Variants in PIWIL2 observed in about 807,000 individuals in gnomAD.
The protein encoded by PIWIL2 is piwi like RNA-mediated gene silencing 2, also known as piwi-like protein 2.
A neutral mutation model predicts 116.5 loss-of-function variants in PIWIL2; 81 were observed. The ratio of observed to expected loss-of-function variants is 0.70; its 90% CI spans 0.58 to 0.84. PIWIL2 has a LOEUF of 0.84. PIWIL2 is among the 40% of genes least tolerant of loss of function. PIWIL2 has a pLI of 0.00. For missense variants in PIWIL2, 1,272 were observed against 1,212.3 expected (o/e 1.05, Z -0.73); for synonymous variants, 489 against 429.5 (o/e 1.14, Z -1.71).
At chr8:22,284,123 T>G in intron 5 of PIWIL2, 39 bp from the exon 6 acceptor site, 1 of 1,122,686 alleles carries the variant, frequency 8.9e-7, no homozygotes, top group African/African-American at 1.6e-5. Context: ...GTTTTTTTGT[T>G]TTTGATATAT....
intron 3 of PIWIL2, 39 bp downstream of exon 3, chr8:22,281,246 A>T (rs1014851999): frequency 3.2e-6 from 5 of 1,550,068 alleles, no homozygotes; most frequent in Non-Finnish European, 4.4e-6. Flanking sequence ...GGTGGTATGT[A>T]TGATTGGTTT....
intron 20 of PIWIL2, among the ~76,000 whole-genome samples, chr8:22,331,262 A>G (rs1831855994): frequency 6.6e-6 from 1 of 152,072 alleles, no homozygotes; most frequent in Admixed American, 6.6e-5. Context: ...ACTTTTAGCC[A>G]AGGTAGGAGG....
intron 20 of PIWIL2, among the ~76,000 whole-genome samples, chr8:22,334,097 C>T (rs546835970): frequency 3.7e-4 from 56 of 151,580 alleles, no homozygotes; most frequent in Non-Finnish European, 7.7e-4. Context: ...CCTCAGCCTC[C>T]TGAGTAGCTT....
At chr8:22,296,952 C>T (rs533295940) in intron 10 of PIWIL2, among the ~76,000 whole-genome samples, 4 of 151,766 alleles carry the variant, frequency 2.6e-5, no homozygotes, top group African/African-American at 7.3e-5. Flanking sequence ...TCTTTTCGCC[C>T]TTTGAGAAAT....
intron 10 of PIWIL2, among the ~76,000 whole-genome samples, chr8:22,293,459 G>A (rs1471741231): frequency 6.6e-6 from 1 of 152,038 alleles, no homozygotes; most frequent in African/African-American, 2.4e-5. Flanking sequence ...CCTGCCTCAG[G>A]CCTTCTGAGT....
intron 5 of PIWIL2, among the ~76,000 whole-genome samples, 154 bp downstream of exon 5, chr8:22,283,394 A>G (rs1224530652): frequency 1.3e-5 from 2 of 152,180 alleles, no homozygotes; most frequent in Non-Finnish European, 1.5e-5. Context: ...GAGATTGACA[A>G]AGAGATAGGA....
intron 10 of PIWIL2, among the ~76,000 whole-genome samples, chr8:22,294,939 C>T (rs1205816715): frequency 3.0e-5 from 4 of 131,672 alleles, no homozygotes; most frequent in South Asian, 2.6e-4. Context: ...ATTAACTGGG[C>T]GTGGTGGCGC....
At chr8:22,346,939 C>T (rs542192501) in intron 20 of PIWIL2, among the ~76,000 whole-genome samples, 16 of 151,864 alleles carry the variant, frequency 1.1e-4, no homozygotes, top group African/African-American at 3.4e-4. Context: ...ACTGGGAGGA[C>T]GAGGTAGGAG....
At chr8:22,281,015 T>C in intron 2 of PIWIL2, 105 bp from the exon 3 acceptor site, 2 of 664,456 alleles carry the variant, frequency 3.0e-6, no homozygotes, top group East Asian at 2.7e-5. Flanking sequence ...TCTTATAACA[T>C]GTATAGAATT....
chr8:22,354,229 C>A, intron 21 of PIWIL2, 42 bp from the exon 22 acceptor site: 1 of 1,325,830 alleles, frequency 7.5e-7, no homozygotes, highest in East Asian at 2.3e-5. Context: ...CTCTGTCTGG[C>A]TGAATCCGAC....
At chr8:22,283,994 C>CTTCA (rs907289260) in intron 5 of PIWIL2, among the ~76,000 whole-genome samples, 168 bp from the exon 6 acceptor site, 9 of 151,816 alleles carry the variant, frequency 5.9e-5, no homozygotes, top group African/African-American at 2.2e-4. Context: ...GCCTTCTAGC[C>CTTCA]TTCAGAGCTT....
At chr8:22,344,183 G>A (rs1359670465) in intron 20 of PIWIL2, among the ~76,000 whole-genome samples, 2 of 152,170 alleles carry the variant, frequency 1.3e-5, no homozygotes, top group East Asian at 3.9e-4. Flanking sequence ...ATGCATAAAT[G>A]TGGTGACAGT....
chr8:22,311,179 A>G lies in PIWIL2; in HGVS notation c.1868A>G (p.Asn623Ser), dbSNP rs759140732. ...ATGGACCAGGCTCGAGAACTGGTCA[A>G]CATGTTGGAGAAGATAGCCGGCCCC... ...RAMDQARELVNMLEKIAGPIG... is the reference protein window; with the variant it reads ...RAMDQARELVSMLEKIAGPIG... Residue 623 changes from asparagine (N) to serine (S), a missense_variant, in exon 16 of 23, where the codon AAC (asparagine) becomes AGC (serine). Physicochemically the swap from Asn to Ser is conservative, Grantham distance 46. Transcript: ENST00000356766. 1.9e-6 allele frequency: 3 copies of G among 1,614,222 alleles called. No individual in the cohort carries two copies. The highest frequency in any genetic ancestry group is 1.7e-6 in the Non-Finnish European group (2 of 1,180,032).
At chr8:22,277,997 C>T (rs770042480) in intron 1 of PIWIL2, among the ~76,000 whole-genome samples, 28 of 151,882 alleles carry the variant, frequency 1.8e-4, no homozygotes, top group Non-Finnish European at 3.1e-4. Context: ...AGAGAAACCC[C>T]GTCTCTATTA....
Position 22,304,879 on chromosome 8 carries a change from C to T in PIWIL2, c.1455+11C>T, listed in dbSNP as rs1344939305. 1 of 1,555,804 alleles carries T rather than the reference C, an allele frequency of 6.4e-7. No homozygotes were observed. The highest frequency in any genetic ancestry group is 1.7e-5 in the Admixed American group (1 of 59,920). On this transcript the variant is annotated intron_variant, in intron 12 of 22. Transcript: ENST00000356766. ...GATAATCATGGGATGGTGAGTAGGGCTGTCAGGCTTACAATTCCAGCTTAA... is the reference window on the plus strand; with the variant it reads ...GATAATCATGGGATGGTGAGTAGGGTTGTCAGGCTTACAATTCCAGCTTAA...
intron 20 of PIWIL2, among the ~76,000 whole-genome samples, chr8:22,347,671 C>A (rs543590438): frequency 6.6e-6 from 1 of 151,816 alleles, no homozygotes. Flanking sequence ...GGATTACAGG[C>A]GCCTGCCAGC....
intron 10 of PIWIL2, among the ~76,000 whole-genome samples, chr8:22,297,100 C>A (rs61114550): frequency 1.6e-3 from 236 of 151,660 alleles, no homozygotes; most frequent in African/African-American, 5.6e-3. Flanking sequence ...GCAATCCTCC[C>A]ACCTCAGTCT....
intron 20 of PIWIL2, among the ~76,000 whole-genome samples, chr8:22,327,414 C>T (rs1394619587): frequency 6.8e-6 from 1 of 147,472 alleles, no homozygotes; most frequent in Non-Finnish European, 1.5e-5. Flanking sequence ...GTTGCCCAGG[C>T]TGGAGTGCAA....
intron 10 of PIWIL2, among the ~76,000 whole-genome samples, chr8:22,294,644 CAAAAAAAAA>C (rs897494985): frequency 1.1e-3 from 34 of 29,904 alleles, no homozygotes; most frequent in African/African-American, 3.0e-3. Flanking sequence ...GACTCTGTCT[CAAAAAAAAA>C]AAAAAAAAAA....
Sources: allele counts gnomAD v4.1 joint callset (sites outside exome capture counted in the v4.1 genomes callset), GRCh38; gene constraint gnomAD v4.1.1; transcripts MANE v1.5; gene names NCBI Gene and HGNC (gene_info 2026-07-23, HGNC 2026-07-21).